BCAR1: variants seen among roughly 807,000 people sequenced by gnomAD.
BCAR1 encodes the protein breast cancer anti-estrogen resistance protein 1.
A neutral mutation model predicts 67.6 loss-of-function variants in BCAR1; 30 were observed. The ratio of observed to expected loss-of-function variants is 0.44; its 90% CI spans 0.33 to 0.60. The LOEUF is 0.60. Ranked by LOEUF, BCAR1 falls within the 20% of genes least tolerant of loss-of-function variation. The pLI, the probability that BCAR1 is intolerant of heterozygous loss-of-function variation, is 0.02. For synonymous variants in BCAR1, 626 were observed against 556.7 expected (o/e 1.12, Z -1.75); for missense variants, 1,313 against 1,222.3 (o/e 1.07, Z -1.11).
At chr16:75,236,627 G>A (rs2077146029) in intron 4 of BCAR1, 3 of 567,716 alleles carry the variant, frequency 5.3e-6, no homozygotes, top group African/African-American at 1.9e-5. Context: ...GACACATCCC[G>A]TGGTCACCTT....
rs3833049 is a variant in BCAR1, at chr16:75,236,060, C to CCACACA, written c.913-80_913-75dup. 2.4e-5 allele frequency: 33 copies of CCACACA among 1,367,872 alleles called. No homozygotes were observed. In the African/African-American group the frequency reaches 3.1e-4, roughly 13 times the overall value. 84.7% of individuals were successfully genotyped at this position (1,367,872 alleles called of 1,614,324 possible). A position where few individuals can be genotyped will look rare whatever the true frequency, so the allele number is the denominator to read the frequency against. On this transcript the variant is annotated intron_variant, in intron 4 of 6. Coordinates refer to ENST00000162330, the MANE Select transcript of BCAR1 (RefSeq NM_014567.5). ...CCCAGGGACTGGGGGCAGCACCCAG[C>CCACACA]CACACACACACACACACGTACACAC...
At chr16:75,251,848 A>G (rs369375189), upstream of BCAR1, 1 of 232,674 alleles carries the variant, frequency 4.3e-6, no homozygotes, top group East Asian at 2.0e-4. Flanking sequence ...CTTCCAGCCT[A>G]GGGCGCAGGA....
At chr16:75,236,540 A>G (rs1276749211) in intron 4 of BCAR1, 1 of 422,684 alleles carries the variant, frequency 2.4e-6, no homozygotes, top group Non-Finnish European at 4.2e-6. Context: ...TTTGCCCAGG[A>G]CAGTGCTGGT....
At position 75,236,925 on chromosome 16, in the gene BCAR1, G is replaced by C. The variant is rs758520470; in HGVS notation, c.869C>G (p.Pro290Arg). 43 of 1,612,762 alleles carry C rather than the reference G, an allele frequency of 2.7e-5. No individual in the cohort carries two copies. The highest frequency in any genetic ancestry group is 2.5e-6 in the Non-Finnish European group (3 of 1,179,560). Residue 290 changes from proline (P) to arginine (R), a missense_variant, in exon 4 of 7, where the codon CCC (proline) becomes CGC (arginine). By Grantham distance (103) the Pro-to-Arg change is moderately radical. This residue lies in a region of BCAR1 where 1,272 missense variants were observed against 1,137.5 expected (regional missense o/e 1.12). Transcript: ENST00000162330. ...TGGCAGGCCCTTCTCCACACTGGGG[G>C]GCACGTCATACACCTCCAGCAACGG... ...RDPLLEVYDV[P>R]PSVEKGLPPS...
chr16:75,250,958 G>C (rs1382613993), intron 1 of BCAR1: 7 of 985,548 alleles, frequency 7.1e-6, no homozygotes, highest in Non-Finnish European at 8.4e-6. Flanking sequence ...AACTGGAGCC[G>C]GGTGCTCCGG....
chr16:75,253,536 C>T (rs922804855), upstream of BCAR1, among the ~76,000 whole-genome samples: 15 of 152,162 alleles, frequency 9.9e-5, no homozygotes, highest in African/African-American at 3.6e-4. Context: ...CCCCCAGTAG[C>T]TGCATTAGAA....
At chr16:75,241,357 G>A (rs1428206887) in intron 2 of BCAR1, among the ~76,000 whole-genome samples, 1 of 152,138 alleles carries the variant, frequency 6.6e-6, no homozygotes, top group African/African-American at 2.4e-5. Flanking sequence ...GTATCTGTGG[G>A]GTACAGGCAT....
chr16:75,236,962 T>A lies in BCAR1; in HGVS notation c.832A>T (p.Asn278Tyr). Reference protein sequence around the residue: ...DTPPMAVKGPNGRDPLLEVYD... With the variant: ...DTPPMAVKGPYGRDPLLEVYD... ...ACCTCCAGCAACGGGTCTCGGCCAT[T>A]GGGACCCTTGACAGCCATGGGGGGT... The change falls in exon 4 of 7, where the codon AAT (asparagine) becomes TAT (tyrosine). Residue 278 changes from asparagine (N) to tyrosine (Y), a missense_variant. Asn to Tyr is a moderately radical substitution (Grantham distance 143). This residue lies in a region of BCAR1 where 1,272 missense variants were observed against 1,137.5 expected (regional missense o/e 1.12). Transcript: ENST00000162330. The A allele has an allele frequency of 6.2e-7, 1 of 1,610,456 alleles. No homozygotes were observed. Among genetic ancestry groups the A allele is most frequent in the Non-Finnish European group, 8.5e-7 (1 of 1,178,416 alleles).
chr16:75,247,828 G>T (rs776414296), intron 1 of BCAR1: 2 of 573,732 alleles, frequency 3.5e-6, no homozygotes, highest in South Asian at 2.0e-5. Flanking sequence ...CTCAGCACCC[G>T]CAAGCCAGCA....
chr16:75,252,926 G>GCTCCCC (rs1343978214), upstream of BCAR1, among the ~76,000 whole-genome samples: 1 of 152,222 alleles, frequency 6.6e-6, no homozygotes, highest in East Asian at 1.9e-4. Context: ...TTAAAAAACA[G>GCTCCCC]ACTCCTGTGT....
At chr16:75,265,469 C>T (rs977622886) in intron 1 of BCAR1, among the ~76,000 whole-genome samples, 1 of 152,188 alleles carries the variant, frequency 6.6e-6, no homozygotes, top group East Asian at 1.9e-4. Flanking sequence ...GCCTAGCCGT[C>T]CTGGTGCGGG....
chr16:75,254,154 C>T (rs1404566255), upstream of BCAR1, among the ~76,000 whole-genome samples: 2 of 152,144 alleles, frequency 1.3e-5, no homozygotes, highest in Non-Finnish European at 2.9e-5. Context: ...ACCACTGCCC[C>T]ATCCCACACA....
chr16:75,236,836 C>A, intron 4 of BCAR1, 46 bp downstream of exon 4: 1 of 1,597,390 alleles, frequency 6.3e-7, no homozygotes, highest in Non-Finnish European at 8.5e-7. Flanking sequence ...ACCCAGACAC[C>A]CCACAGCCTC....
chr16:75,251,736 G>T (rs1012220506), upstream of BCAR1: 8 of 965,002 alleles, frequency 8.3e-6, no homozygotes, highest in Admixed American at 6.0e-5. Flanking sequence ...GCCGCCTGTC[G>T]GGGGCGCGGG....
At chr16:75,264,214 TC>T in intron 1 of BCAR1, 1 of 1,353,376 alleles carries the variant, frequency 7.4e-7, no homozygotes, top group Non-Finnish European at 9.5e-7. Context: ...CAGGGTGCCA[TC>T]CCAGACTCCA....
upstream of BCAR1, among the ~76,000 whole-genome samples, chr16:75,255,939 C>A (rs2077765054): frequency 6.6e-6 from 1 of 151,628 alleles, no homozygotes. Flanking sequence ...TGCAGTGAGC[C>A]AAGATGGTGC....
chr16:75,231,892 T>C (rs1187941761), intron 6 of BCAR1, among the ~76,000 whole-genome samples: 3 of 152,228 alleles, frequency 2.0e-5, no homozygotes, highest in Non-Finnish European at 4.4e-5. Context: ...GGAGGTTTTT[T>C]GTTTTTGAGA....
chr16:75,234,406 C>T (rs1436538824), intron 5 of BCAR1, among the ~76,000 whole-genome samples: 2 of 152,186 alleles, frequency 1.3e-5, no homozygotes, highest in Non-Finnish European at 2.9e-5. Flanking sequence ...CCAGGAATCA[C>T]ACCCAATCCC....
At chr16:75,251,995 C>T (rs1383445571), upstream of BCAR1, 7 of 621,596 alleles carry the variant, frequency 1.1e-5, no homozygotes, top group Non-Finnish European at 1.9e-5. Context: ...GGCCTCAAGT[C>T]GACTTGTCTT....
Sources: gnomAD v4.1 joint callset for allele counts (sites outside exome capture counted in the v4.1 genomes callset) on GRCh38, gnomAD v4.1.1 for gene constraint, gnomAD v4.1.1 regional missense constraint, MANE v1.5 for transcripts, NCBI Gene and HGNC (gene_info 2026-07-23, HGNC 2026-07-21) for gene names.